The following RABGAP1L variants were observed in gnomAD, a reference collection of about 807,000 sequenced individuals.
RABGAP1L encodes the protein rab GTPase-activating protein 1-like.
Under a neutral mutation model 137.7 loss-of-function variants are expected in RABGAP1L, and 63 were observed. The observed-to-expected ratio is 0.46, with a 90% CI of 0.37 to 0.56. The LOEUF (loss-of-function observed/expected upper bound fraction) is 0.56. Among genes scored for constraint, RABGAP1L ranks in the 20% least tolerant of loss-of-function variants. RABGAP1L has a pLI of 0.00. For missense variants in RABGAP1L, 1,095 were observed against 1,244.0 expected (o/e 0.88, Z 1.80); for synonymous variants, 431 against 433.7 (o/e 0.99, Z 0.08).
intron 13 of RABGAP1L, among the ~76,000 whole-genome samples, chr1:174,491,414 C>T (rs936932848): frequency 6.6e-6 from 1 of 152,000 alleles, no homozygotes; most frequent in Non-Finnish European, 1.5e-5. Context: ...GTCTGGTACC[C>T]TATCCTACTG....
intron 21 of RABGAP1L, among the ~76,000 whole-genome samples, chr1:174,971,448 C>T (rs16847652): frequency 0.12 from 17,758 of 152,078 alleles, 3,442 homozygotes; most frequent in African/African-American, 0.4. Context: ...AGAACAGCCC[C>T]TGAAGAAAAG....
At chr1:174,850,235 G>T in intron 19 of RABGAP1L, 1 of 276,270 alleles carries the variant, frequency 3.6e-6, no homozygotes, top group South Asian at 4.3e-5. Context: ...AAACCTCCGG[G>T]GTACCCTAGA....
chr1:174,491,868 C>T (rs1660268586), intron 13 of RABGAP1L, among the ~76,000 whole-genome samples: 1 of 152,182 alleles, frequency 6.6e-6, no homozygotes, highest in Non-Finnish European at 1.5e-5. Flanking sequence ...CAGGACAGCA[C>T]TGAATTAAGT....
At chr1:174,898,492 G>A (rs1369379454) in intron 19 of RABGAP1L, among the ~76,000 whole-genome samples, 1 of 152,234 alleles carries the variant, frequency 6.6e-6, no homozygotes, top group Non-Finnish European at 1.5e-5. Context: ...TTAGGAAGGT[G>A]ATAAGTTAGA....
chr1:174,430,954 T>TAA (rs1652562756), intron 13 of RABGAP1L, among the ~76,000 whole-genome samples: 1 of 152,236 alleles, frequency 6.6e-6, no homozygotes, highest in Admixed American at 6.5e-5. Flanking sequence ...CATGGCTTTT[T>TAA]AAAATTCTAG....
At chr1:174,973,475 C>T (rs1670342478) in intron 21 of RABGAP1L, among the ~76,000 whole-genome samples, 1 of 150,690 alleles carries the variant, frequency 6.6e-6, no homozygotes, top group African/African-American at 2.4e-5. Flanking sequence ...ACCTCTATCT[C>T]CTGGTTTCGA....
chr1:174,497,928 T>C (rs1270079589), intron 13 of RABGAP1L, among the ~76,000 whole-genome samples: 1 of 152,208 alleles, frequency 6.6e-6, no homozygotes, highest in East Asian at 1.9e-4. Flanking sequence ...TCAAATTAAT[T>C]TTACTGACTG....
intron 13 of RABGAP1L, among the ~76,000 whole-genome samples, chr1:174,626,825 A>G (rs1160120247): frequency 6.6e-6 from 1 of 152,212 alleles, no homozygotes; most frequent in Non-Finnish European, 1.5e-5. Flanking sequence ...CAAGGTGAAT[A>G]AATCAGACCG....
chr1:174,833,406 GTGTA>G lies in RABGAP1L; in HGVS notation c.2340+21450_2340+21453del, dbSNP rs796588750. Among the ~76,000 whole-genome samples, 95 of 42,268 alleles carry G rather than the reference GTGTA, an allele frequency of 2.2e-3. 1 individual carries two copies. The highest frequency in any genetic ancestry group is 6.2e-3 in the East Asian group (10 of 1,624). The allele number at this position is 42,268 out of a possible 152,430, so 27.7% of individuals were successfully genotyped here. On this transcript the variant is annotated intron_variant, in intron 19 of 25. Coordinates refer to ENST00000681986, the MANE Select transcript of RABGAP1L (RefSeq NM_001366446.1). ...TGTGTGTGTGTGTGTGTGTGTATGT[GTGTA>G]TGTGTGTGTGTGTATATATATATGT...
chr1:174,280,799 G>T (rs1675456559), intron 10 of RABGAP1L, among the ~76,000 whole-genome samples: 1 of 152,218 alleles, frequency 6.6e-6, no homozygotes, highest in African/African-American at 2.4e-5. Flanking sequence ...GTTCCTTTCA[G>T]TGGGTTCTTG....
At chr1:174,827,426 T>TCTCTGTGTGTTCATG (rs1573387043) in intron 19 of RABGAP1L, among the ~76,000 whole-genome samples, 2 of 149,442 alleles carry the variant, frequency 1.3e-5, no homozygotes, top group South Asian at 2.2e-4. Context: ...ATACTGGAGG[T>TCTCTGTGTGTTCATG]ACTGGGAGTT....
intron 7 of RABGAP1L, among the ~76,000 whole-genome samples, chr1:174,255,511 C>G (rs1558074997): frequency 6.6e-6 from 1 of 152,032 alleles, no homozygotes; most frequent in African/African-American, 2.4e-5. Flanking sequence ...TGACATTTTA[C>G]CTAATTTGCT....
At chr1:174,767,547 G>A (rs1401007766) in intron 18 of RABGAP1L, among the ~76,000 whole-genome samples, 8 of 149,186 alleles carry the variant, frequency 5.4e-5, no homozygotes, top group South Asian at 2.1e-4. Flanking sequence ...TTTTTGAGAC[G>A]GAGTCTCACC....
intron 13 of RABGAP1L, among the ~76,000 whole-genome samples, chr1:174,608,516 C>T (rs919752957): frequency 3.9e-5 from 6 of 152,012 alleles, no homozygotes; most frequent in African/African-American, 1.5e-4. Flanking sequence ...TATGAAAGCA[C>T]TATGGAAGGA....
At position 174,992,586 on chromosome 1, in the gene RABGAP1L, G is replaced by A. The variant is rs1045475478; in HGVS notation, c.*2585G>A. 6.6e-6 allele frequency: 1 copy of A among 150,810 alleles called. No homozygotes were observed. Among genetic ancestry groups the A allele is most frequent in the Non-Finnish European group, 1.5e-5 (1 of 67,848 alleles). The allele number at this position is 150,810 out of a possible 1,614,324, so 9.3% of individuals were successfully genotyped here. On this transcript the variant is annotated 3_prime_UTR_variant, in exon 26 of 26. Transcript: ENST00000681986. Reference sequence around the variant, plus strand: ...CCCCATATCATACTTGGGTATGCCTGTTGGTACCATAAGCCTAAACTCTCC... The same window carrying A: ...CCCCATATCATACTTGGGTATGCCTATTGGTACCATAAGCCTAAACTCTCC...
intron 13 of RABGAP1L, among the ~76,000 whole-genome samples, chr1:174,583,497 A>G (rs1668889673): frequency 6.6e-6 from 1 of 152,146 alleles, no homozygotes; most frequent in South Asian, 2.1e-4. Context: ...ATTCTATGAG[A>G]TGCTATGGTA....
At chr1:174,396,399 T>A (rs903929675) in intron 13 of RABGAP1L, among the ~76,000 whole-genome samples, 1 of 152,094 alleles carries the variant, frequency 6.6e-6, no homozygotes, top group Admixed American at 6.6e-5. Context: ...ATAGCATTTT[T>A]AATTATCTTT....
intron 19 of RABGAP1L, among the ~76,000 whole-genome samples, chr1:174,816,306 C>T (rs1038397253): frequency 6.6e-6 from 1 of 151,912 alleles, no homozygotes; most frequent in African/African-American, 2.4e-5. Flanking sequence ...GCATGCACCA[C>T]CACGCCCAGA....
At chr1:174,490,628 C>A (rs1210150292) in intron 13 of RABGAP1L, among the ~76,000 whole-genome samples, 5 of 152,102 alleles carry the variant, frequency 3.3e-5, no homozygotes, top group Non-Finnish European at 7.3e-5. Context: ...CAGCAGGTAG[C>A]AATGCCAGAA....
Sources: gnomAD v4.1 joint callset for allele counts (sites outside exome capture counted in the v4.1 genomes callset) on GRCh38, gnomAD v4.1.1 for gene constraint, MANE v1.5 for transcripts, NCBI Gene and HGNC (gene_info 2026-07-23, HGNC 2026-07-21) for gene names.